Variants in NOTCH4 observed in about 807,000 individuals in gnomAD.
The protein encoded by NOTCH4 is notch receptor 4, also known as neurogenic locus notch homolog protein 4.
NOTCH4 carries 138 observed loss-of-function variants against 189.0 expected under a neutral mutation model. The ratio of observed to expected loss-of-function variants is 0.73; its 90% CI spans 0.64 to 0.84. The LOEUF (loss-of-function observed/expected upper bound fraction) is 0.84. Ranked by LOEUF, NOTCH4 falls within the 40% of genes least tolerant of loss-of-function variation. NOTCH4 has a pLI of 0.00. For missense variants in NOTCH4, 2,286 were observed against 2,605.4 expected, an observed-to-expected ratio of 0.88 and a Z score of 2.67; for synonymous variants, 942 against 1,032.8, an observed-to-expected ratio of 0.91 and a Z score of 1.69.
rs1429612821 is a variant in NOTCH4 at position 32,213,816 on chromosome 6, G to A, written c.2192C>T (p.Thr731Ile). ...GAGACATGGCCCTGAGTGACAAGCTGTCATCTCCTCACTACAGGTGGGTCC... is the reference window on the plus strand; with the variant it reads ...GAGACATGGCCCTGAGTGACAAGCTATCATCTCCTCACTACAGGTGGGTCC... ...YTGPTCSEEM[T>I]ACHSGPCLNG... Residue 731 changes from threonine to isoleucine, a missense_variant, in exon 14 of 30, where the codon ACA becomes ATA. Around this residue, in one of 2 missense-constraint regions of NOTCH4, gnomAD observed 1,903 missense variants for 2,261.9 expected, o/e 0.84. Transcript: ENST00000375023. The A allele has an allele frequency of 1.9e-6, 3 of 1,611,906 alleles. No homozygotes were observed. Among genetic ancestry groups the A allele is most frequent in the African/African-American group, 1.3e-5 (1 of 74,860 alleles).
Position 32,215,300 on chromosome 6 carries a change from G to C in NOTCH4, c.1947C>G (p.Cys649Trp). 1 of 1,608,258 alleles carries C rather than the reference G, an allele frequency of 6.2e-7. No homozygotes were observed. Among genetic ancestry groups the C allele is most frequent in the Non-Finnish European group, 8.5e-7 (1 of 1,178,348 alleles). Residue 649 changes from cysteine (C) to tryptophan (W), a missense_variant, in exon 12 of 30, where the codon TGC becomes TGG. Physicochemically the swap from Cys to Trp is radical, Grantham distance 215 (BLOSUM62 -2). Around this residue, in one of 2 missense-constraint regions of NOTCH4, gnomAD observed 1,903 missense variants for 2,261.9 expected, o/e 0.84. Coordinates refer to ENST00000375023, the MANE Select transcript of NOTCH4 (RefSeq NM_004557.4). ...AGCCAGGGCTTCCATCAGGACAGAG[G>C]CAGTTGGCCTTGTCTTTCTGGTCCT... ...ICKDQKDKAN[C>W]LCPDGSPGCA...
Position 32,201,411 on chromosome 6 carries a change from C to T in NOTCH4, c.3845G>A (p.Gly1282Asp), listed in dbSNP as rs1291203444. 6.4e-7 allele frequency: 1 copy of T among 1,563,816 alleles called. No individual in the cohort carries two copies. Among genetic ancestry groups the T allele is most frequent in the Non-Finnish European group, 8.6e-7 (1 of 1,156,698 alleles). ...GTCCCCATCTTCAGGCCTGCAGTCA[C>T]CTCCATCCCAGCCACACTCTGCAGT... Reference protein sequence around the residue: ...CNTAECGWDGGDCRPEDGDPE... With the variant: ...CNTAECGWDGDDCRPEDGDPE... The change falls in exon 22 of 30, where the codon GGT (glycine) becomes GAT (aspartate). Residue 1282 changes from glycine to aspartate, a missense_variant. Gly to Asp is a moderately conservative substitution (Grantham distance 94). This residue lies in a region of NOTCH4 where 1,903 missense variants were observed against 2,261.9 expected (regional missense o/e 0.84). Transcript: ENST00000375023. This position sits in a 1 kb window ranked among gnomAD's most constrained non-coding sequence, Gnocchi z 5.5.
At position 32,195,730 on chromosome 6, in the gene NOTCH4, C is replaced by T. The variant is rs575106395; in HGVS notation, c.5719G>A (p.Gly1907Arg). 2.5e-6 allele frequency: 4 copies of T among 1,612,754 alleles called. No homozygotes were observed. The highest frequency in any genetic ancestry group is 1.1e-5 in the South Asian group (1 of 91,076). The change falls in exon 30 of 30, where the codon GGA becomes AGA. Residue 1907 changes from glycine to arginine, a missense_variant. Gly to Arg is a moderately radical substitution (Grantham distance 125, BLOSUM62 -2). Around this residue, in one of 2 missense-constraint regions of NOTCH4, gnomAD observed 383 missense variants for 343.5 expected, o/e 1.11. Coordinates refer to ENST00000375023, the MANE Select transcript of NOTCH4 (RefSeq NM_004557.4). The surrounding 1 kb of genome is among the most constrained non-coding windows in gnomAD (Gnocchi z 5.4). ...CRSLSGVGAGGGPTPRGRRFS... is the reference protein window; with the variant it reads ...CRSLSGVGAGRGPTPRGRRFS... ...CTACGGCCGCGAGGGGTCGGGCCTC[C>T]TCCTGCTCCTACTCCCGAGAGGCTC...
At chr6:32,207,766 C>A (rs1788780319) in intron 18 of NOTCH4, among the ~76,000 whole-genome samples, 1 of 151,846 alleles carries the variant, frequency 6.6e-6, no homozygotes, top group African/African-American at 2.4e-5. Flanking sequence ...CGGTGGGTCA[C>A]ACCTGTAATC....
chr6:32,213,683 C>T lies in NOTCH4; in HGVS notation c.2320+5G>A. ...CCCCAGCCCCATGACACAGTGGGCACTCACCAGACACACAGTAGTCAGTGC... is the reference window on the plus strand; with the variant it reads ...CCCCAGCCCCATGACACAGTGGGCATTCACCAGACACACAGTAGTCAGTGC... On this transcript the variant is annotated splice_donor_5th_base_variant and intron_variant, in intron 14 of 29. Transcript: ENST00000375023. 1 of 1,612,726 alleles carries T rather than the reference C, an allele frequency of 6.2e-7. No homozygotes were observed. The highest frequency in any genetic ancestry group is 8.5e-7 in the Non-Finnish European group (1 of 1,179,814).
rs745770503 is a variant in NOTCH4 at position 32,202,636 on chromosome 6, G to A, written c.3232-37C>T. On this transcript the variant is annotated intron_variant, in intron 20 of 29. Transcript: ENST00000375023. This position sits in a 1 kb window ranked among gnomAD's most constrained non-coding sequence, Gnocchi z 5.7. ...AGGGGAGATATTGGAGATGCAACTT[G>A]CATTATTCTTCCCGCTCTCCATCAA... is the stretch of plus-strand genomic sequence containing the variant. 5 of 1,531,212 alleles carry A rather than the reference G, an allele frequency of 3.3e-6. No homozygotes were observed. The highest frequency in any genetic ancestry group is 1.8e-6 in the Non-Finnish European group (2 of 1,135,802). 94.9% of individuals were successfully genotyped at this position (1,531,212 alleles called of 1,614,324 possible). A position where few individuals can be genotyped will look rare whatever the true frequency, so the allele number is the denominator to read the frequency against.
rs1298104103 is a variant in NOTCH4, at chr6:32,198,290, C to G, written c.4756+131G>C. 10 of 1,009,788 alleles carry G rather than the reference C, an allele frequency of 9.9e-6. No individual in the cohort carries two copies. Among genetic ancestry groups the G allele is most frequent in the African/African-American group, 1.6e-5 (1 of 61,710 alleles). The allele number at this position is 1,009,788 out of a possible 1,614,324, so 62.6% of individuals were successfully genotyped here. Reference sequence around the variant, plus strand: ...CTGATTTTGCTGTCTGAGGACCACACTTTGAGAATCATTGTTCTAAGGCAC... The same window carrying G: ...CTGATTTTGCTGTCTGAGGACCACAGTTTGAGAATCATTGTTCTAAGGCAC... On this transcript the variant is annotated intron_variant, in intron 26 of 29. Coordinates refer to ENST00000375023, the MANE Select transcript of NOTCH4 (RefSeq NM_004557.4). This position sits in a 1 kb window ranked among gnomAD's most constrained non-coding sequence, Gnocchi z 5.5.
Position 32,201,517 on chromosome 6 carries a change from G to T in NOTCH4, c.3756-17C>A, listed in dbSNP as rs1030009685. On this transcript the variant is annotated splice_polypyrimidine_tract_variant and intron_variant, in intron 21 of 29. Coordinates refer to ENST00000375023, the MANE Select transcript of NOTCH4 (RefSeq NM_004557.4). The surrounding 1 kb of genome is among the most constrained non-coding windows in gnomAD (Gnocchi z 5.5). ...TAGGCTGGACTGTGGGGTAAGGAGA[G>T]GGGGACTCAGGACCTCCCTAAAACC... is the stretch of plus-strand genomic sequence containing the variant. 6.9e-7 allele frequency: 1 copy of T among 1,459,136 alleles called. No individual in the cohort carries two copies. Among genetic ancestry groups the T allele is most frequent in the Non-Finnish European group, 9.0e-7 (1 of 1,105,326 alleles). 90.4% of individuals were successfully genotyped at this position (1,459,136 alleles called of 1,614,324 possible). A position where few individuals can be genotyped will look rare whatever the true frequency, so the allele number is the denominator to read the frequency against.
rs1788377252 is a variant in NOTCH4, at chr6:32,201,993, C to T, written c.3755+83G>A. On this transcript the variant is annotated intron_variant, in intron 21 of 29. Transcript: ENST00000375023. The surrounding 1 kb of genome is among the most constrained non-coding windows in gnomAD (Gnocchi z 5.5). ...CCTGGAGCCCAAGGCTGTGGCCACA[C>T]TGTAACTCAGAGCCATCTACGTCCT... The T allele has an allele frequency of 1.5e-6, 2 of 1,318,346 alleles. No homozygotes were observed. Among genetic ancestry groups the T allele is most frequent in the Non-Finnish European group, 2.0e-6 (2 of 1,004,964 alleles). 81.7% of individuals were successfully genotyped at this position (1,318,346 alleles called of 1,614,324 possible).
At chr6:32,203,662 A>G (rs1788491422) in intron 20 of NOTCH4, 108 bp downstream of exon 20, 14 of 792,532 alleles carry the variant, frequency 1.8e-5, no homozygotes, top group Non-Finnish European at 2.7e-5. Context: ...TTTTTCCAAT[A>G]ATTTCCACAT....
In NOTCH4 at chr6:32,222,790, G is replaced by A. The variant is rs2127491321; in HGVS notation, c.172C>T (p.Leu58=). ...TCAGGAAACTGGCACGTCTCACCCA[G>A]GAAGCCAGGGGCACACCTGGGCAGG... The part of the protein sequence containing the change: ...QGTCQCAPGF[L]GETCQFPDPC... Residue 58 remains leucine (L), a synonymous_variant, in exon 3 of 30, where the codon CTG becomes TTG. Coordinates refer to ENST00000375023, the MANE Select transcript of NOTCH4 (RefSeq NM_004557.4). 6.2e-7 allele frequency: 1 copy of A among 1,610,006 alleles called. No homozygotes were observed. Among genetic ancestry groups the A allele is most frequent in the Non-Finnish European group, 8.5e-7 (1 of 1,178,708 alleles).
chr6:32,204,047 G>A (rs557580845), intron 19 of NOTCH4, 90 bp downstream of exon 19: 21 of 1,546,156 alleles, frequency 1.4e-5, no homozygotes, highest in Middle Eastern at 2.2e-4. Context: ...ACCAGGTGAC[G>A]GCTGCCGCAT....
Position 32,197,279 on chromosome 6 carries a change from G to A in NOTCH4, c.5052+20C>T. On this transcript the variant is annotated intron_variant, in intron 27 of 29. Coordinates refer to ENST00000375023, the MANE Select transcript of NOTCH4 (RefSeq NM_004557.4). Reference sequence around the variant, plus strand: ...TGTAAGCTCGCCCCATTCCCTGTAGGGACCTCAGTGTGTGCTAACCTGGCA... The same window carrying A: ...TGTAAGCTCGCCCCATTCCCTGTAGAGACCTCAGTGTGTGCTAACCTGGCA... 1 of 1,517,818 alleles carries A rather than the reference G, an allele frequency of 6.6e-7. No individual in the cohort carries two copies. Among genetic ancestry groups the A allele is most frequent in the Non-Finnish European group, 8.8e-7 (1 of 1,138,096 alleles). The allele number at this position is 1,517,818 out of a possible 1,614,324, so 94.0% of individuals were successfully genotyped here.
intron 18 of NOTCH4, among the ~76,000 whole-genome samples, chr6:32,208,731 C>A (rs1466742207): frequency 6.6e-6 from 1 of 151,882 alleles, no homozygotes. Context: ...AAGACTCTGT[C>A]TCAGAAAAGG....
At chr6:32,203,738 G>A (rs377471735) in intron 20 of NOTCH4, 32 bp downstream of exon 20, 26 of 1,486,342 alleles carry the variant, frequency 1.7e-5, no homozygotes, top group Non-Finnish European at 2.4e-5. Context: ...AGCATAGGGG[G>A]CAACAGAGAA....
intron 8 of NOTCH4, among the ~76,000 whole-genome samples, chr6:32,218,767 G>T (rs1017336992): frequency 2.6e-5 from 4 of 152,188 alleles, no homozygotes; most frequent in African/African-American, 7.2e-5. Context: ...GGTGACCTGA[G>T]CCAGTATCTT....
At chr6:32,218,765 G>A (rs753857348) in intron 8 of NOTCH4, among the ~76,000 whole-genome samples, 1 of 152,160 alleles carries the variant, frequency 6.6e-6, no homozygotes, top group African/African-American at 2.4e-5. Flanking sequence ...TGGGTGACCT[G>A]AGCCAGTATC....
At chr6:32,197,176 CA>C in intron 27 of NOTCH4, 104 bp from the exon 28 acceptor site, 1 of 1,522,706 alleles carries the variant, frequency 6.6e-7, no homozygotes, top group East Asian at 2.3e-5. Flanking sequence ...CCATCCTCCG[CA>C]GTTTCCCTGT....
At position 32,223,960 on chromosome 6, in the gene NOTCH4, G is replaced by A; in HGVS notation, c.-32C>T. ...GCCCCTTCTCCAAGCCCCGGTCCCT[G>A]TCCCTCTTCAGGCAGGGACCCTCAG... is the stretch of plus-strand genomic sequence containing the variant. On this transcript the variant is annotated 5_prime_UTR_variant, in exon 1 of 30. Transcript: ENST00000375023. The A allele has an allele frequency of 6.3e-7, 1 of 1,576,690 alleles. No individual in the cohort carries two copies. The highest frequency in any genetic ancestry group is 8.6e-7 in the Non-Finnish European group (1 of 1,169,188).
Sources: gnomAD v4.1 joint callset for allele counts (sites outside exome capture counted in the v4.1 genomes callset) on GRCh38, gnomAD v4.1.1 for gene constraint, gnomAD v4.1.1 regional missense constraint, Gnocchi (gnomAD v3.1) non-coding constraint, MANE v1.5 for transcripts, NCBI Gene and HGNC (gene_info 2026-07-23, HGNC 2026-07-21) for gene names.